The following AGBL2 variants were observed in gnomAD, a reference collection of about 807,000 sequenced individuals.
The protein encoded by AGBL2 is cytosolic carboxypeptidase 2.
Under a neutral mutation model 103.0 loss-of-function variants are expected in AGBL2, and 87 were observed. The ratio of observed to expected loss-of-function variants is 0.84; its 90% confidence interval spans 0.71 to 1.01. AGBL2 has a LOEUF of 1.01. Among genes scored for constraint, AGBL2 ranks in the 50% least tolerant of loss-of-function variants. AGBL2 has a pLI of 0.00. For synonymous variants in AGBL2, 335 were observed against 356.7 expected (o/e 0.94, Z 0.69); for missense variants, 904 against 1,023.5 (o/e 0.88, Z 1.59).
intron 18 of AGBL2, among the ~76,000 whole-genome samples, chr11:47,660,727 T>TG (rs1554943219): frequency 6.6e-6 from 1 of 150,982 alleles, no homozygotes; most frequent in African/African-American, 2.4e-5. Context: ...CTAATTTTTT[T>TG]GTATTTTTAG....
intron 17 of AGBL2, among the ~76,000 whole-genome samples, chr11:47,665,879 T>C (rs1018926450): frequency 6.6e-6 from 1 of 152,004 alleles, no homozygotes; most frequent in African/African-American, 2.4e-5. Context: ...CAAGGTGGCA[T>C]GTGCCTGTAA....
chr11:47,666,634 T>A, intron 17 of AGBL2: 1 of 544,386 alleles, frequency 1.8e-6, no homozygotes, highest in African/African-American at 2.0e-5. Flanking sequence ...CCCAATAAAA[T>A]TCATTGATTT....
At chr11:47,696,185 CAAAAA>C (rs200029588) in intron 8 of AGBL2, among the ~76,000 whole-genome samples, 11 of 97,780 alleles carry the variant, frequency 1.1e-4, no homozygotes, top group Admixed American at 1.1e-4. Context: ...GACTCTGTCT[CAAAAA>C]AAAAAAAAAA....
At chr11:47,683,835 C>G (rs1437649066) in intron 11 of AGBL2, among the ~76,000 whole-genome samples, 2 of 151,094 alleles carry the variant, frequency 1.3e-5, no homozygotes, top group African/African-American at 4.9e-5. Context: ...GTAATCCCAG[C>G]ACTTTGGGAG....
chr11:47,704,808 T>A (rs1484458811), intron 6 of AGBL2, 80 bp from the exon 7 acceptor site: 4 of 1,099,510 alleles, frequency 3.6e-6, no homozygotes, highest in Non-Finnish European at 5.3e-6. Flanking sequence ...ACAATGAAAC[T>A]ATTTTAAGCA....
intron 15 of AGBL2, among the ~76,000 whole-genome samples, chr11:47,668,001 G>C (rs531480430): frequency 5.9e-5 from 9 of 152,214 alleles, no homozygotes; most frequent in African/African-American, 2.2e-4. Context: ...TTCAGGTCAG[G>C]AGTTTGAGAC....
rs537690898 is a variant in AGBL2 at position 47,692,283 on chromosome 11, A to G, written c.695-27T>C. The G allele has an allele frequency of 1.5e-4, 239 of 1,608,050 alleles. 4 individuals carry two copies. In the South Asian group the frequency reaches 2.4e-3, roughly 16 times the overall value. Reference sequence around the variant, plus strand: ...TGCAGAGAAAAGATATATTTAGGCTAGGTTCTACTCAGAATCCACTCATTC... The same window carrying G: ...TGCAGAGAAAAGATATATTTAGGCTGGGTTCTACTCAGAATCCACTCATTC... On this transcript the variant is annotated intron_variant, in intron 8 of 18. Coordinates refer to ENST00000525123, the MANE Select transcript of AGBL2 (RefSeq NM_024783.4).
In AGBL2 at chr11:47,690,466, G is replaced by A. The variant is rs780980581; in HGVS notation, c.1241C>T (p.Pro414Leu). 1.9e-6 allele frequency: 3 copies of A among 1,614,024 alleles called. No homozygotes were observed. Among genetic ancestry groups the A allele is most frequent in the African/African-American group, 1.3e-5 (1 of 74,918 alleles). The change falls in exon 10 of 19, where the codon CCT becomes CTT. Residue 414 changes from proline to leucine, a missense_variant. Physicochemically the swap from Pro to Leu is moderately conservative, Grantham distance 98. Transcript: ENST00000525123. ...GAGCTTGCAGAACTGAGACTGGATAGGGTTGTTTGCCACTGACAGGAGGTA... is the reference window on the plus strand; with the variant it reads ...GAGCTTGCAGAACTGAGACTGGATAAGGTTGTTTGCCACTGACAGGAGGTA... ...QCYLLSVANNPIQSQFCKLQT... is the reference protein window; with the variant it reads ...QCYLLSVANNLIQSQFCKLQT...
chr11:47,704,740 A>C lies in AGBL2; in HGVS notation c.401-12T>G. On this transcript the variant is annotated splice_polypyrimidine_tract_variant and intron_variant, in intron 6 of 18. Transcript: ENST00000525123. Reference sequence around the variant, plus strand: ...CAGCATATGTGAATCTGCCAAAGGGAAAGAGAGTAAGTGAACATCTTCCTT... The same window carrying C: ...CAGCATATGTGAATCTGCCAAAGGGCAAGAGAGTAAGTGAACATCTTCCTT... The C allele has an allele frequency of 6.2e-7, 1 of 1,610,352 alleles. No individual in the cohort carries two copies. The highest frequency in any genetic ancestry group is 1.7e-4 in the Middle Eastern group (1 of 6,056).
intron 17 of AGBL2, among the ~76,000 whole-genome samples, chr11:47,665,793 T>C (rs560595074): frequency 1.1e-3 from 167 of 151,938 alleles, no homozygotes; most frequent in African/African-American, 3.7e-3. Context: ...GCGGATCACC[T>C]GAGATCAGAA....
At chr11:47,674,449 C>T (rs2097367668) in intron 14 of AGBL2, among the ~76,000 whole-genome samples, 2 of 151,658 alleles carry the variant, frequency 1.3e-5, no homozygotes, top group African/African-American at 4.8e-5. Context: ...CACCTGTAGT[C>T]CCAGCTACTT....
At position 47,679,959 on chromosome 11, in the gene AGBL2, A is replaced by C; in HGVS notation, c.2016+14T>G. ...GCCTGGCCTTCATCACATTTCTTGA[A>C]ACCCCATTTTTACCTTCATTTGGTC... On this transcript the variant is annotated intron_variant, in intron 13 of 18. Coordinates refer to ENST00000525123, the MANE Select transcript of AGBL2 (RefSeq NM_024783.4). 2 of 1,547,142 alleles carry C rather than the reference A, an allele frequency of 1.3e-6. No individual in the cohort carries two copies. The highest frequency in any genetic ancestry group is 1.8e-6 in the Non-Finnish European group (2 of 1,121,024).
In AGBL2 at chr11:47,666,943, A is replaced by C. The variant is rs779823853; in HGVS notation, c.2448+13T>G. 1.9e-6 allele frequency: 3 copies of C among 1,563,538 alleles called. No homozygotes were observed. In the South Asian group the frequency reaches 3.4e-5, roughly 17 times the overall value. On this transcript the variant is annotated intron_variant, in intron 17 of 18. Coordinates refer to ENST00000525123, the MANE Select transcript of AGBL2 (RefSeq NM_024783.4). ...GAATCTGTGTGACAAAGAGTCAAAA[A>C]CAAAAATACTACCTCATTTAACCTT...
intron 17 of AGBL2, 102 bp downstream of exon 17, chr11:47,666,854 G>A: frequency 1.3e-6 from 1 of 784,452 alleles, no homozygotes; most frequent in Non-Finnish European, 2.2e-6. Flanking sequence ...TCAGGTTAGG[G>A]TAACGTAAAT....
chr11:47,667,552 G>T lies in AGBL2; in HGVS notation c.2340+19C>A. 6.2e-7 allele frequency: 1 copy of T among 1,612,134 alleles called. No homozygotes were observed. The highest frequency in any genetic ancestry group is 8.5e-7 in the Non-Finnish European group (1 of 1,179,548). Reference sequence around the variant, plus strand: ...GGTCTGAAACTAGACAGTAGAAATAGCCAGCAAGTCTTTCTTACTGAGGTA... The same window carrying T: ...GGTCTGAAACTAGACAGTAGAAATATCCAGCAAGTCTTTCTTACTGAGGTA... On this transcript the variant is annotated intron_variant, in intron 16 of 18. Transcript: ENST00000525123.
intron 7 of AGBL2, among the ~76,000 whole-genome samples, chr11:47,700,403 ACT>A (rs1362945796): frequency 6.6e-6 from 1 of 151,188 alleles, no homozygotes; most frequent in African/African-American, 2.4e-5. Context: ...ACATAGTGAA[ACT>A]CTGCCTCTAC....
chr11:47,688,190 C>T (rs1361086823), intron 10 of AGBL2, among the ~76,000 whole-genome samples: 1 of 152,050 alleles, frequency 6.6e-6, no homozygotes, highest in African/African-American at 2.4e-5. Flanking sequence ...AACTCCTGGG[C>T]TCAAGTGATC....
At chr11:47,678,111 A>C (rs970381857) in intron 13 of AGBL2, among the ~76,000 whole-genome samples, 2 of 147,038 alleles carry the variant, frequency 1.4e-5, no homozygotes, top group Non-Finnish European at 3.0e-5. Flanking sequence ...CTACAGGCGC[A>C]CACCACCACG....
chr11:47,678,890 T>A (rs968177360), intron 13 of AGBL2, among the ~76,000 whole-genome samples: 1 of 149,078 alleles, frequency 6.7e-6, no homozygotes, highest in Non-Finnish European at 1.5e-5. Flanking sequence ...AAACCCCATC[T>A]GTACTAAAAA....
Sources: gnomAD v4.1 joint callset for allele counts (sites outside exome capture counted in the v4.1 genomes callset) on GRCh38, gnomAD v4.1.1 for gene constraint, MANE v1.5 for transcripts, NCBI Gene and HGNC (gene_info 2026-07-23, HGNC 2026-07-21) for gene names.